CSMD1: variants seen among roughly 807,000 people sequenced by gnomAD.
CSMD1 encodes CUB and Sushi multiple domains 1, also known as CUB and sushi domain-containing protein 1.
CSMD1 carries 213 observed loss-of-function variants against 417.5 expected under a neutral mutation model. That is an observed-to-expected ratio of 0.51 (90% CI 0.46 to 0.57). CSMD1 has a LOEUF of 0.57. Ranked by LOEUF, CSMD1 falls within the 20% of genes least tolerant of loss-of-function variation. The pLI is 0.00. For missense variants in CSMD1, 6,923 were observed against 4,529.7 expected, an observed-to-expected ratio of 1.53 and a Z score of -15.17; for synonymous variants, 2,862 against 1,736.8, an observed-to-expected ratio of 1.65 and a Z score of -16.11.
chr8:3,281,779 G>A (rs1039263299), intron 26 of CSMD1, among the ~76,000 whole-genome samples: 3 of 152,148 alleles, frequency 2.0e-5, no homozygotes, highest in Non-Finnish European at 4.4e-5. Context: ...CATTGATATG[G>A]TTTGGATCTG....
chr8:2,994,103 G>C (rs548428520), intron 54 of CSMD1, among the ~76,000 whole-genome samples: 1 of 126,694 alleles, frequency 7.9e-6, no homozygotes, highest in Non-Finnish European at 1.5e-5. Context: ...CTGAGATGGC[G>C]CCATTGCACT....
chr8:4,674,819 C>T lies in CSMD1; in HGVS notation c.86-37261G>A, dbSNP rs747080960. ...AAAATTCATGTGTTAAAGTGCTAAG[C>T]CCCCAATGTGATATCTGGAGGTGGG... On this transcript the variant is annotated intron_variant, in intron 1 of 69. Transcript: ENST00000635120. Among the ~76,000 whole-genome samples the T allele has an allele frequency of 5.8e-4, 88 of 152,020 alleles. 1 individual carries two copies. The highest frequency in any genetic ancestry group is 1.1e-3 in the Non-Finnish European group (75 of 68,008).
At chr8:3,743,628 C>T (rs1036971221) in intron 6 of CSMD1, among the ~76,000 whole-genome samples, 3 of 152,130 alleles carry the variant, frequency 2.0e-5, no homozygotes, top group African/African-American at 7.2e-5. Context: ...AACCTTCCTT[C>T]CCCTTTTTGG....
At chr8:3,405,572 A>C (rs1161522) in intron 15 of CSMD1, among the ~76,000 whole-genome samples, 127,444 of 152,132 alleles carry the variant, frequency 0.84, 53,586 homozygotes, top group South Asian at 0.87. Flanking sequence ...AAGATTGGGT[A>C]CTTGCAGATG....
rs76852945 is a variant in CSMD1 at position 4,963,826 on chromosome 8, C to T, written c.85+30506G>A. ...TAGAATTATTGAAATTTTCACTAACCATGGGAGTAGTCACCCAATCATACT... is the reference window on the plus strand; with the variant it reads ...TAGAATTATTGAAATTTTCACTAACTATGGGAGTAGTCACCCAATCATACT... On this transcript the variant is annotated intron_variant, in intron 1 of 69. Coordinates refer to ENST00000635120, the MANE Select transcript of CSMD1 (RefSeq NM_033225.6). 4.2e-3 allele frequency among the ~76,000 whole-genome samples: 641 copies of T among 152,218 alleles called. 7 individuals are homozygous for T. Among genetic ancestry groups the T allele is most frequent in the African/African-American group, 0.014 (580 of 41,540 alleles).
intron 3 of CSMD1, among the ~76,000 whole-genome samples, chr8:4,096,794 C>T (rs955724736): frequency 3.9e-5 from 6 of 152,122 alleles, no homozygotes; most frequent in African/African-American, 7.2e-5. Context: ...AGTTGCACTC[C>T]GACGCTGTCT....
At chr8:3,075,065 C>T (rs772209704) in intron 49 of CSMD1, among the ~76,000 whole-genome samples, 2 of 151,692 alleles carry the variant, frequency 1.3e-5, no homozygotes, top group Non-Finnish European at 2.9e-5. Flanking sequence ...GCATGTAACA[C>T]CTCCCCTCTC....
At chr8:4,934,584 C>G (rs777210752) in intron 1 of CSMD1, among the ~76,000 whole-genome samples, 7 of 152,170 alleles carry the variant, frequency 4.6e-5, no homozygotes, top group Non-Finnish European at 1.0e-4. Flanking sequence ...AGAAAGGACA[C>G]AGGCCCAATA....
chr8:3,062,861 T>C (rs1016629552), intron 49 of CSMD1, among the ~76,000 whole-genome samples: 1 of 152,170 alleles, frequency 6.6e-6, no homozygotes, highest in Non-Finnish European at 1.5e-5. Context: ...AGTAACTGAC[T>C]TTTACCCATC....
intron 2 of CSMD1, among the ~76,000 whole-genome samples, chr8:4,526,478 A>G (rs1796518936): frequency 1.3e-5 from 2 of 152,202 alleles, no homozygotes; most frequent in African/African-American, 4.8e-5. Flanking sequence ...ACATCAGGTA[A>G]TTATTGTGCA....
At chr8:4,175,184 A>C (rs1455196703) in intron 3 of CSMD1, among the ~76,000 whole-genome samples, 2 of 152,096 alleles carry the variant, frequency 1.3e-5, no homozygotes, top group African/African-American at 4.8e-5. Flanking sequence ...ATTTTTAATT[A>C]CTTCTTACTG....
intron 5 of CSMD1, among the ~76,000 whole-genome samples, chr8:3,983,942 C>T (rs528118550): frequency 2.6e-4 from 40 of 152,368 alleles, no homozygotes; most frequent in Admixed American, 8.5e-4. Context: ...AATTGCAACT[C>T]TAGAGCACAT....
rs960862847 is a variant in CSMD1 at position 3,205,386 on chromosome 8, C to G, written c.4984+118G>C. 2.5e-5 allele frequency: 15 copies of G among 594,090 alleles called. No individual in the cohort carries two copies. The African/African-American group carries it at 2.6e-4, about 10-fold the overall frequency. 36.8% of individuals were successfully genotyped at this position (594,090 alleles called of 1,614,324 possible). A position where few individuals can be genotyped will look rare whatever the true frequency, so the allele number is the denominator to read the frequency against. ...GAAGGCCTGCTACTTAAATGCAACT[C>G]ATTTGCTTTTATATGAAATATTTCA... is the stretch of plus-strand genomic sequence containing the variant. On this transcript the variant is annotated intron_variant, in intron 31 of 69. Transcript: ENST00000635120.
At chr8:3,460,614 A>G (rs2117150257) in intron 12 of CSMD1, among the ~76,000 whole-genome samples, 1 of 152,298 alleles carries the variant, frequency 6.6e-6, no homozygotes, top group African/African-American at 2.4e-5. Flanking sequence ...GAATGAAGAT[A>G]AACAGGAGGG....
intron 1 of CSMD1, among the ~76,000 whole-genome samples, chr8:4,960,314 A>T (rs1585411647): frequency 6.6e-6 from 1 of 152,336 alleles, no homozygotes; most frequent in Non-Finnish European, 1.5e-5. Context: ...TATATAGACA[A>T]GTGTGTTTAA....
chr8:4,707,257 G>A (rs1056426960), intron 1 of CSMD1, among the ~76,000 whole-genome samples: 8 of 152,144 alleles, frequency 5.3e-5, no homozygotes, highest in Non-Finnish European at 1.0e-4. Context: ...AACGGTCCTA[G>A]GAGGTAAGGA....
chr8:3,840,059 T>C (rs973714234), intron 5 of CSMD1, among the ~76,000 whole-genome samples: 1 of 152,166 alleles, frequency 6.6e-6, no homozygotes, highest in Non-Finnish European at 1.5e-5. Context: ...GTTGATTTTT[T>C]AATATATAAT....
intron 5 of CSMD1, among the ~76,000 whole-genome samples, chr8:3,799,152 A>G (rs1415749142): frequency 1.3e-5 from 2 of 152,104 alleles, no homozygotes; most frequent in African/African-American, 4.8e-5. Context: ...TTCAATAAAA[A>G]GTTTTATAAT....
intron 6 of CSMD1, among the ~76,000 whole-genome samples, chr8:3,724,699 G>C (rs1396087507): frequency 6.6e-6 from 1 of 152,100 alleles, no homozygotes; most frequent in African/African-American, 2.4e-5. Flanking sequence ...AATAGGAAAA[G>C]AAATGCATTT....
Sources: gnomAD v4.1 joint callset for allele counts (sites outside exome capture counted in the v4.1 genomes callset) on GRCh38, gnomAD v4.1.1 for gene constraint, MANE v1.5 for transcripts, NCBI Gene and HGNC (gene_info 2026-07-23, HGNC 2026-07-21) for gene names.